NPC1L1: variants seen among roughly 807,000 people sequenced by gnomAD.
The protein encoded by NPC1L1 is NPC1 like intracellular cholesterol transporter 1, also known as NPC1-like intracellular cholesterol transporter 1.
NPC1L1 carries 98 observed loss-of-function variants against 117.0 expected under a neutral mutation model. The observed-to-expected ratio is 0.84, with a 90% CI of 0.71 to 0.99. The LOEUF (loss-of-function observed/expected upper bound fraction) is 0.99, where lower values mean the gene tolerates loss of function less well. NPC1L1 is among the 50% of genes least tolerant of loss of function. NPC1L1 has a pLI of 0.00. For missense variants in NPC1L1, 1,540 were observed against 1,710.0 expected, an observed-to-expected ratio of 0.90 and a Z score of 1.75; for synonymous variants, 729 against 727.6, an observed-to-expected ratio of 1.00 and a Z score of -0.03.
At chr7:44,519,808 C>CT (rs367934615) in intron 14 of NPC1L1, among the ~76,000 whole-genome samples, 22,351 of 149,044 alleles carry the variant, frequency 0.15, 2,151 homozygotes, top group Non-Finnish European at 0.22. Flanking sequence ...TTACTTTTTT[C>CT]TTTCTTTTTT....
At position 44,512,704 on chromosome 7, in the gene NPC1L1, A is replaced by G. The variant is rs763387688; in HGVS notation, c.*743T>C. 2.6e-5 allele frequency: 4 copies of G among 152,990 alleles called. No homozygotes were observed. Among genetic ancestry groups the G allele is most frequent in the Non-Finnish European group, 5.8e-5 (4 of 68,658 alleles). 9.5% of individuals were successfully genotyped at this position (152,990 alleles called of 1,614,324 possible). Reference sequence around the variant, plus strand: ...AGATGGGAGGACCAGCCCAGCCCCAAGAGCTCCCAGCCTTCAGACTCCTGG... The same window carrying G: ...AGATGGGAGGACCAGCCCAGCCCCAGGAGCTCCCAGCCTTCAGACTCCTGG... On this transcript the variant is annotated 3_prime_UTR_variant, in exon 19 of 19. Transcript: ENST00000381160.
At chr7:44,531,037 C>G (rs1219846308) in intron 10 of NPC1L1, among the ~76,000 whole-genome samples, 2 of 152,242 alleles carry the variant, frequency 1.3e-5, no homozygotes, top group Non-Finnish European at 2.9e-5. Context: ...GATGCCTTCC[C>G]TCTCCCTAGA....
chr7:44,541,150 C>T (rs1585156577), intron 1 of NPC1L1, 56 bp downstream of exon 1: 1 of 1,532,722 alleles, frequency 6.5e-7, no homozygotes, highest in Non-Finnish European at 8.8e-7. Context: ...CACGGCTGGC[C>T]CCAGGGTCCC....
At chr7:44,531,224 A>G (rs1801689774) in intron 10 of NPC1L1, among the ~76,000 whole-genome samples, 4 of 151,500 alleles carry the variant, frequency 2.6e-5, no homozygotes, top group Non-Finnish European at 5.9e-5. Flanking sequence ...GGCAATCAGC[A>G]CTCTCCCCGA....
chr7:44,529,417 T>C (rs1801628410), intron 10 of NPC1L1, among the ~76,000 whole-genome samples: 1 of 151,756 alleles, frequency 6.6e-6, no homozygotes, highest in South Asian at 2.1e-4. Context: ...CTCACTCTGT[T>C]ACCCAGGCTG....
At chr7:44,522,560 A>T (rs1284129435) in intron 10 of NPC1L1, among the ~76,000 whole-genome samples, 1 of 152,234 alleles carries the variant, frequency 6.6e-6, no homozygotes, top group Non-Finnish European at 1.5e-5. Context: ...CAAGGTACAT[A>T]TAGAGAAGGA....
At chr7:44,532,400 C>T (rs1258961657) in intron 8 of NPC1L1, among the ~76,000 whole-genome samples, 183 bp from the exon 9 acceptor site, 3 of 152,200 alleles carry the variant, frequency 2.0e-5, no homozygotes, top group Non-Finnish European at 4.4e-5. Flanking sequence ...TTAAATTTTA[C>T]ACCATCATGG....
intron 14 of NPC1L1, among the ~76,000 whole-genome samples, chr7:44,519,245 G>GA (rs1431657528): frequency 1.3e-5 from 2 of 152,116 alleles, no homozygotes; most frequent in Non-Finnish European, 2.9e-5. Context: ...CTGGCTGGGG[G>GA]ACCTCATTTT....
rs1801102975 is a variant in NPC1L1 at position 44,513,561 on chromosome 7, G to C, written c.3885C>G (p.His1295Gln). 1 of 1,614,098 alleles carries C rather than the reference G, an allele frequency of 6.2e-7. No individual in the cohort carries two copies. The change falls in exon 19 of 19, where the codon CAC becomes CAG. Residue 1295 changes from histidine to glutamine, a missense_variant. Around this residue, in one of 3 missense-constraint regions of NPC1L1, gnomAD observed 742 missense variants for 873.6 expected, o/e 0.85. Transcript: ENST00000381160. ...TGTCAGCTGTGGAGACTCGGGAGGG[G>C]TGATTTGGGCAAGAGGCCACCATGA... Reference protein sequence around the residue: ...AAVMVASCPNHPSRVSTADNI... With the variant: ...AAVMVASCPNQPSRVSTADNI...
In NPC1L1 at chr7:44,531,842, C is replaced by T. The variant is rs760916292; in HGVS notation, c.2550G>A (p.Leu850=). The change falls in exon 10 of 19, where the codon CTG becomes CTA. Residue 850 remains leucine (L), a splice_region_variant and synonymous_variant. Transcript: ENST00000381160. The part of the protein sequence containing the change: ...LLHWITRGVV[L]LLFLALFGVS... ...CTCCGAACAGGGCGAGAAACAGCAGCAGCTGAGAAGGGACCTGCTGCATGA... is the reference window on the plus strand; with the variant it reads ...CTCCGAACAGGGCGAGAAACAGCAGTAGCTGAGAAGGGACCTGCTGCATGA... 11 of 1,580,116 alleles carry T rather than the reference C, an allele frequency of 7.0e-6. No homozygotes were observed. In the South Asian group the frequency reaches 1.3e-4, roughly 18 times the overall value.
intron 10 of NPC1L1, among the ~76,000 whole-genome samples, chr7:44,524,328 T>C (rs1435081947): frequency 1.3e-5 from 2 of 151,966 alleles, no homozygotes; most frequent in African/African-American, 4.8e-5. Flanking sequence ...ATTATAAGAA[T>C]CAAATGTCCA....
intron 6 of NPC1L1, 139 bp from the exon 7 acceptor site, chr7:44,533,992 C>T: frequency 2.8e-6 from 2 of 711,978 alleles, no homozygotes; most frequent in Admixed American, 4.3e-5. Context: ...ATCAGAGACT[C>T]TCATACTCTC....
At chr7:44,531,406 C>T (rs1585142312) in intron 10 of NPC1L1, among the ~76,000 whole-genome samples, 1 of 152,358 alleles carries the variant, frequency 6.6e-6, no homozygotes, top group African/African-American at 2.4e-5. Flanking sequence ...CCCCTGAACC[C>T]CTGCCCTCCC....
intron 8 of NPC1L1, chr7:44,533,159 T>TA: frequency 2.7e-6 from 1 of 376,026 alleles, no homozygotes; most frequent in Non-Finnish European, 5.1e-6. Context: ...GTCGGTGCCC[T>TA]AATCTCCACA....
At chr7:44,518,776 T>C (rs1361836121) in intron 14 of NPC1L1, 1 of 1,071,790 alleles carries the variant, frequency 9.3e-7, no homozygotes, top group African/African-American at 1.7e-5. Context: ...AGAAATGTTC[T>C]TGGATACATA....
chr7:44,516,674 C>A (rs772394644), intron 16 of NPC1L1, 29 bp downstream of exon 16: 2 of 1,561,770 alleles, frequency 1.3e-6, no homozygotes, highest in South Asian at 2.3e-5. Flanking sequence ...CCTCCAGAGG[C>A]CCCCTGGTGC....
intron 18 of NPC1L1, among the ~76,000 whole-genome samples, chr7:44,514,573 C>T (rs569823683): frequency 1.3e-5 from 2 of 152,110 alleles, no homozygotes; most frequent in Non-Finnish European, 2.9e-5. Flanking sequence ...GAGGCTGAGA[C>T]AGGAGAATCG....
Position 44,539,007 on chromosome 7 carries a change from T to C in NPC1L1, c.1390A>G (p.Asn464Asp). 1.2e-6 allele frequency: 2 copies of C among 1,614,120 alleles called. No homozygotes were observed. The highest frequency in any genetic ancestry group is 8.5e-7 in the Non-Finnish European group (1 of 1,180,020). Residue 464 changes from asparagine (N) to aspartate (D), a missense_variant, in exon 2 of 19, where the codon AAC becomes GAC. This residue lies in a region of NPC1L1 where 793 missense variants were observed against 820.4 expected (regional missense o/e 0.97). Transcript: ENST00000381160. The surrounding 1 kb of genome is among the most constrained non-coding windows in gnomAD (Gnocchi z 4.4). The part of the protein sequence containing the change: ...LQVWSPEAQR[N>D]ISLQDICYAP... ...TAGCAGATGTCCTGCAGGGAGATGT[T>C]GCGCTGTGCTTCGGGCGACCATACC...
At position 44,535,830 on chromosome 7, in the gene NPC1L1, C is replaced by G; in HGVS notation, c.1983+10G>C. On this transcript the variant is annotated intron_variant, in intron 5 of 18. Transcript: ENST00000381160. ...CTAGCCCACTTAGCTGTGTCCCTCCCGCTTCTCACCATCACTCGGCTCCAG... is the reference window on the plus strand; with the variant it reads ...CTAGCCCACTTAGCTGTGTCCCTCCGGCTTCTCACCATCACTCGGCTCCAG... The G allele has an allele frequency of 1.2e-6, 2 of 1,612,506 alleles. No homozygotes were observed. Among genetic ancestry groups the G allele is most frequent in the Non-Finnish European group, 1.7e-6 (2 of 1,179,870 alleles).
Sources: allele counts gnomAD v4.1 joint callset (sites outside exome capture counted in the v4.1 genomes callset), GRCh38; gene constraint gnomAD v4.1.1; regional missense constraint gnomAD v4.1.1; non-coding constraint Gnocchi (gnomAD v3.1); transcripts MANE v1.5; gene names NCBI Gene and HGNC (gene_info 2026-07-23, HGNC 2026-07-21).